Variants in KIAA1328 observed in about 807,000 individuals in gnomAD.
KIAA1328 encodes KIAA1328.
In KIAA1328, 52 loss-of-function variants were observed where a neutral mutation model predicts 68.1. The observed-to-expected ratio is 0.76, with a 90% confidence interval of 0.61 to 0.96. The LOEUF (loss-of-function observed/expected upper bound fraction) is 0.96, where lower values mean the gene tolerates loss of function less well. Among genes scored for constraint, KIAA1328 ranks in the 40% least tolerant of loss-of-function variants. KIAA1328 has a pLI of 0.00. For missense variants in KIAA1328, 641 were observed against 677.6 expected (o/e 0.95, Z 0.60); for synonymous variants, 232 against 239.4 (o/e 0.97, Z 0.28).
intron 7 of KIAA1328, among the ~76,000 whole-genome samples, chr18:37,128,152 G>A (rs1256351048): frequency 6.6e-6 from 1 of 152,172 alleles, no homozygotes; most frequent in African/African-American, 2.4e-5. Flanking sequence ...CTTGGGCTAT[G>A]CAAAGATTTT....
chr18:37,111,680 C>T (rs920854133), intron 7 of KIAA1328, among the ~76,000 whole-genome samples: 4 of 152,204 alleles, frequency 2.6e-5, no homozygotes, highest in African/African-American at 9.6e-5. Context: ...GCTTGTCAGA[C>T]AGTGGGTGTA....
intron 6 of KIAA1328, among the ~76,000 whole-genome samples, chr18:37,023,302 A>G (rs546284364): frequency 3.9e-5 from 6 of 152,110 alleles, no homozygotes; most frequent in Non-Finnish European, 7.4e-5. Flanking sequence ...ACAGCCTTGA[A>G]TTCCTGGAGT....
chr18:37,222,803 C>T lies in KIAA1328; in HGVS notation c.*576C>T. ...ATTGTGAGTCAGTCTCAGTAGCCAT[C>T]AGCCTGGCAGCTGCCCATCCCATAA... On this transcript the variant is annotated 3_prime_UTR_variant, in exon 10 of 10. Coordinates refer to ENST00000280020, the MANE Select transcript of KIAA1328 (RefSeq NM_020776.3). 1 of 991,534 alleles carries T rather than the reference C, an allele frequency of 1.0e-6. No individual in the cohort carries two copies. The highest frequency in any genetic ancestry group is 1.2e-6 in the Non-Finnish European group (1 of 834,040). The allele number at this position is 991,534 out of a possible 1,614,324, so 61.4% of individuals were successfully genotyped here.
chr18:36,901,435 C>G (rs2049035179), intron 5 of KIAA1328, among the ~76,000 whole-genome samples: 1 of 152,046 alleles, frequency 6.6e-6, no homozygotes, highest in African/African-American at 2.4e-5. Flanking sequence ...GCTTTTGTTT[C>G]TCCAACACTT....
chr18:37,005,434 A>T (rs1336529837), intron 6 of KIAA1328, among the ~76,000 whole-genome samples: 3 of 15,462 alleles, frequency 1.9e-4, no homozygotes, highest in South Asian at 0.012. Context: ...CTATTATTTA[A>T]AAAAAAAAAA....
intron 4 of KIAA1328, among the ~76,000 whole-genome samples, chr18:36,845,116 C>T (rs1419622287): frequency 2.6e-5 from 4 of 151,642 alleles, no homozygotes; most frequent in African/African-American, 9.7e-5. Context: ...GTCATACAAT[C>T]ATGGGTATCA....
intron 7 of KIAA1328, among the ~76,000 whole-genome samples, chr18:37,073,883 GTCTTT>G (rs1433000237): frequency 2.6e-5 from 4 of 152,082 alleles, no homozygotes; most frequent in Non-Finnish European, 4.4e-5. Flanking sequence ...TCTGCTGATT[GTCTTT>G]TCTTATTCAA....
chr18:37,073,310 T>C (rs1316758485), intron 7 of KIAA1328, among the ~76,000 whole-genome samples: 1 of 151,942 alleles, frequency 6.6e-6, no homozygotes, highest in Non-Finnish European at 1.5e-5. Context: ...CTTAAACAAA[T>C]TTACAAGAGG....
intron 7 of KIAA1328, among the ~76,000 whole-genome samples, chr18:37,154,447 T>C (rs1374164901): frequency 1.3e-5 from 2 of 152,180 alleles, no homozygotes; most frequent in African/African-American, 4.8e-5. Flanking sequence ...TGAATCTAAA[T>C]ATATGTCTAG....
intron 6 of KIAA1328, among the ~76,000 whole-genome samples, chr18:36,962,229 A>G (rs1598833544): frequency 6.6e-6 from 1 of 152,374 alleles, no homozygotes; most frequent in South Asian, 2.1e-4. Context: ...AAGGAAAGCC[A>G]TTATATAATG....
At chr18:37,011,477 G>T (rs1335348016) in intron 6 of KIAA1328, among the ~76,000 whole-genome samples, 1 of 152,050 alleles carries the variant, frequency 6.6e-6, no homozygotes, top group East Asian at 1.9e-4. Context: ...CAACTTCACT[G>T]CTCTCATCCT....
intron 7 of KIAA1328, among the ~76,000 whole-genome samples, chr18:37,115,582 G>A (rs558413190): frequency 6.6e-6 from 1 of 152,296 alleles, no homozygotes; most frequent in East Asian, 1.9e-4. Flanking sequence ...AAAACTGGAA[G>A]CATTCCCTTT....
At chr18:36,847,884 A>G (rs2047081139) in intron 4 of KIAA1328, among the ~76,000 whole-genome samples, 2 of 151,570 alleles carry the variant, frequency 1.3e-5, no homozygotes, top group South Asian at 2.1e-4. Context: ...TCCTTGTCAC[A>G]CTCAATTGAA....
intron 1 of KIAA1328, chr18:36,833,476 A>G (rs1600904658): frequency 6.6e-6 from 1 of 152,252 alleles, no homozygotes; most frequent in Non-Finnish European, 1.5e-5. Context: ...AGATGTAACA[A>G]GTTACAGGGA....
At chr18:37,019,675 C>T (rs1402563626) in intron 6 of KIAA1328, among the ~76,000 whole-genome samples, 8 of 152,216 alleles carry the variant, frequency 5.3e-5, no homozygotes, top group Non-Finnish European at 1.2e-4. Flanking sequence ...CTTGACTATC[C>T]ACCTGGGCGT....
At chr18:36,833,458 G>A (rs2046566726) in intron 1 of KIAA1328, 1 of 152,200 alleles carries the variant, frequency 6.6e-6, no homozygotes, top group African/African-American at 2.4e-5. Context: ...AGTAGCAAGT[G>A]AGATCAGAGA....
At chr18:37,208,782 G>C (rs989125733) in intron 9 of KIAA1328, among the ~76,000 whole-genome samples, 2 of 152,206 alleles carry the variant, frequency 1.3e-5, no homozygotes, top group Non-Finnish European at 2.9e-5. Flanking sequence ...TCTAAAAAGA[G>C]TGCACAATAT....
chr18:36,921,763 AT>A (rs1253792039), intron 5 of KIAA1328, among the ~76,000 whole-genome samples: 3 of 152,130 alleles, frequency 2.0e-5, no homozygotes, highest in Non-Finnish European at 4.4e-5. Flanking sequence ...TGTGTGGTTC[AT>A]TCTCTTCACT....
chr18:36,984,773 G>C (rs772905561), intron 6 of KIAA1328, among the ~76,000 whole-genome samples: 3 of 151,894 alleles, frequency 2.0e-5, no homozygotes, highest in Non-Finnish European at 4.4e-5. Flanking sequence ...GGGTGTGATG[G>C]TGCATGCCCG....
Sources: gnomAD v4.1 joint callset for allele counts (sites outside exome capture counted in the v4.1 genomes callset) on GRCh38, gnomAD v4.1.1 for gene constraint, MANE v1.5 for transcripts, NCBI Gene and HGNC (gene_info 2026-07-23, HGNC 2026-07-21) for gene names.